SCLY: variants seen among roughly 807,000 people sequenced by gnomAD.
SCLY encodes putative selenocysteine lyase.
A neutral mutation model predicts 50.1 loss-of-function variants in SCLY; 38 were observed. The observed-to-expected ratio is 0.76, with a 90% confidence interval of 0.59 to 0.99. The LOEUF (loss-of-function observed/expected upper bound fraction) is 0.99. Ranked by LOEUF, SCLY falls within the 50% of genes least tolerant of loss-of-function variation. The pLI is 0.00. For missense variants in SCLY, 600 were observed against 620.0 expected, an observed-to-expected ratio of 0.97 and a Z score of 0.34; for synonymous variants, 243 against 249.4, an observed-to-expected ratio of 0.97 and a Z score of 0.24.
chr2:238,094,891 G>T (rs73098349), intron 10 of SCLY: 2 of 206,794 alleles, frequency 9.7e-6, no homozygotes, highest in African/African-American at 4.6e-5. Flanking sequence ...TGAGGGAAAG[G>T]GGAGGTGATC....
intron 8 of SCLY, chr2:238,093,111 G>A: frequency 6.5e-6 from 1 of 152,812 alleles, no homozygotes; most frequent in Non-Finnish European, 1.5e-5. Flanking sequence ...ATCGTCCCCT[G>A]CCTCCAATGC....
chr2:238,094,088 AAAG>A, intron 9 of SCLY, 144 bp downstream of exon 9: 1 of 763,934 alleles, frequency 1.3e-6, no homozygotes. Context: ...GTGAGGGAAG[AAAG>A]AACAGTGGCA....
chr2:238,069,326 G>A lies in SCLY; in HGVS notation c.333G>A (p.Val111=). Residue 111 remains valine, a synonymous_variant, in exon 4 of 12, where the codon GTG becomes GTA. Coordinates refer to ENST00000254663, the MANE Select transcript of SCLY (RefSeq NM_016510.7). The surrounding 1 kb of genome is among the most constrained non-coding windows in gnomAD (Gnocchi z 5.0). ...ATAATTTAGTAATCCATTCTGTGGT[G>A]AAACATTTCCACGCAAACCAGACCT... is the stretch of plus-strand genomic sequence containing the variant. ...ESNNLVIHSV[V]KHFHANQTSK... The A allele has an allele frequency of 6.2e-7, 1 of 1,613,848 alleles. No homozygotes were observed. The highest frequency in any genetic ancestry group is 1.1e-5 in the South Asian group (1 of 90,982).
At chr2:238,090,847 GAACA>G (rs2065354562) in intron 7 of SCLY, among the ~76,000 whole-genome samples, 1 of 152,118 alleles carries the variant, frequency 6.6e-6, no homozygotes, top group South Asian at 2.1e-4. Flanking sequence ...GAAATGTTGA[GAACA>G]AAGGGTTCTC....
At chr2:238,095,202 A>G (rs2065415690) in intron 10 of SCLY, among the ~76,000 whole-genome samples, 2 of 152,176 alleles carry the variant, frequency 1.3e-5, no homozygotes, top group Non-Finnish European at 2.9e-5. Context: ...TCTGTCTCAA[A>G]CAAACAAAAA....
intron 4 of SCLY, among the ~76,000 whole-genome samples, chr2:238,077,637 C>T (rs1216447748): frequency 3.9e-5 from 6 of 152,218 alleles, no homozygotes; most frequent in Non-Finnish European, 2.9e-5. Flanking sequence ...GGAAGAAAAA[C>T]CTGGTAACTG....
rs1295696081 is a variant in SCLY at position 238,091,239 on chromosome 2, T to G, written c.906T>G (p.Ile302Met). The part of the protein sequence containing the change: ...FRPGTENTPM[I>M]AGLGKAAELV... ...ACAGGACAGAGAACACCCCAATGATTGCTGGCCTTGGGAAGGTGAGCCCTG... is the reference window on the plus strand; with the variant it reads ...ACAGGACAGAGAACACCCCAATGATGGCTGGCCTTGGGAAGGTGAGCCCTG... The change falls in exon 8 of 12, where the codon ATT (isoleucine) becomes ATG (methionine). Residue 302 changes from isoleucine (I) to methionine (M), a missense_variant. Transcript: ENST00000254663. 23 of 1,613,744 alleles carry G rather than the reference T, an allele frequency of 1.4e-5. No homozygotes were observed. The highest frequency in any genetic ancestry group is 1.9e-5 in the Non-Finnish European group (23 of 1,179,668).
rs76625747 is a variant in SCLY, at chr2:238,068,120, A to C, written c.258A>C (p.Ile86=). Residue 86 remains isoleucine, a synonymous_variant, in exon 3 of 12, where the codon ATA becomes ATC. Coordinates refer to ENST00000254663, the MANE Select transcript of SCLY (RefSeq NM_016510.7). ...CTCGGGAAAGCCTCGCGAAGATGATAGGGGGGAAACCTCAAGATATAATCT... is the reference window on the plus strand; with the variant it reads ...CTCGGGAAAGCCTCGCGAAGATGATCGGGGGGAAACCTCAAGATATAATCT... The part of the protein sequence containing the change: ...NAARESLAKM[I]GGKPQDIIFT... 1 of 1,611,584 alleles carries C rather than the reference A, an allele frequency of 6.2e-7. No individual in the cohort carries two copies. Among genetic ancestry groups the C allele is most frequent in the African/African-American group, 1.3e-5 (1 of 74,836 alleles).
At chr2:238,093,627 G>A (rs1384517809) in intron 8 of SCLY, 2 of 544,998 alleles carry the variant, frequency 3.7e-6, no homozygotes, top group African/African-American at 1.9e-5. Flanking sequence ...GCCCTTTCAG[G>A]GCTGCTTTGC....
Position 238,094,519 on chromosome 2 carries a change from C to T in SCLY, c.1105C>T (p.Gln369Ter). 1 of 1,613,274 alleles carries T rather than the reference C, an allele frequency of 6.2e-7. No homozygotes were observed. Among genetic ancestry groups the T allele is most frequent in the Non-Finnish European group, 8.5e-7 (1 of 1,179,248 alleles). The change falls in exon 10 of 12, where the codon CAA becomes TAA. Residue 369 changes from glutamine (Q) to a stop codon, truncating the protein, a stop_gained. Transcript: ENST00000254663. LOFTEE classifies it high-confidence loss of function. ...CTTTTCCATCCGGGGACCCCGGCTT[C>T]AAGGTGATGGCCCCTCACCCTGGTC... ...CNFSIRGPRL[Q>*]GHVVLAQCRV...
intron 4 of SCLY, chr2:238,079,082 T>G (rs991605903): frequency 3.7e-5 from 5 of 135,390 alleles, no homozygotes; most frequent in African/African-American, 1.4e-4. Flanking sequence ...TTTTTTTTTT[T>G]TTTTTTTTTT....
At chr2:238,074,642 C>T (rs2106441371) in intron 4 of SCLY, among the ~76,000 whole-genome samples, 1 of 152,236 alleles carries the variant, frequency 6.6e-6, no homozygotes, top group East Asian at 1.9e-4. Context: ...TGCCACCATG[C>T]CCGGCTAATT....
chr2:238,096,753 C>A, intron 10 of SCLY, 48 bp from the exon 11 acceptor site: 1 of 1,569,966 alleles, frequency 6.4e-7, no homozygotes, highest in Non-Finnish European at 8.6e-7. Flanking sequence ...GACAGAAGGG[C>A]AACCTGGCTG....
intron 5 of SCLY, 103 bp downstream of exon 5, chr2:238,081,939 C>T (rs2065241947): frequency 2.5e-6 from 4 of 1,575,016 alleles, no homozygotes; most frequent in Middle Eastern, 1.7e-4. Flanking sequence ...TCCCGTTTCT[C>T]TGTTCACTTT....
intron 4 of SCLY, among the ~76,000 whole-genome samples, chr2:238,070,616 A>G (rs1442511112): frequency 6.6e-6 from 1 of 152,020 alleles, no homozygotes; most frequent in Non-Finnish European, 1.5e-5. Flanking sequence ...GGAGATGGAG[A>G]TTGCTGTGAG....
intron 4 of SCLY, among the ~76,000 whole-genome samples, chr2:238,076,724 A>T (rs200381728): frequency 0.42 from 27,937 of 65,756 alleles, 3,666 homozygotes; most frequent in African/African-American, 0.52. Context: ...AAATAAATTA[A>T]AAAAAAAAAA....
At chr2:238,061,244 G>T in intron 1 of SCLY, 101 bp downstream of exon 1, 2 of 918,936 alleles carry the variant, frequency 2.2e-6, no homozygotes, top group South Asian at 1.4e-5. Context: ...CCGCTCTCGC[G>T]TGGGGCGTCC....
At position 238,091,270 on chromosome 2, in the gene SCLY, C is replaced by T; in HGVS notation, c.921+16C>T. The T allele has an allele frequency of 6.2e-7, 1 of 1,610,672 alleles. No individual in the cohort carries two copies. Among genetic ancestry groups the T allele is most frequent in the Non-Finnish European group, 8.5e-7 (1 of 1,176,926 alleles). On this transcript the variant is annotated intron_variant, in intron 8 of 11. Transcript: ENST00000254663. The stretch of plus-strand genomic sequence containing the variant: ...CCTTGGGAAGGTGAGCCCTGGTGAG[C>T]TTGAGGAGATGAGTTGATTGCTTTG...
At chr2:238,085,257 A>G (rs1018743440) in intron 7 of SCLY, among the ~76,000 whole-genome samples, 10 of 152,242 alleles carry the variant, frequency 6.6e-5, no homozygotes, top group African/African-American at 2.4e-4. Context: ...AGAGAAGGAC[A>G]ACATAAAAGA....
Sources: allele counts gnomAD v4.1 joint callset (sites outside exome capture counted in the v4.1 genomes callset), GRCh38; gene constraint gnomAD v4.1.1; non-coding constraint Gnocchi (gnomAD v3.1); transcripts MANE v1.5; gene names NCBI Gene and HGNC (gene_info 2026-07-23, HGNC 2026-07-21).